RBFOX1: variants seen among roughly 807,000 people sequenced by gnomAD.
RBFOX1 encodes the protein RNA binding fox-1 homolog 1, also known as RNA binding protein fox-1 homolog 1.
A neutral mutation model predicts 57.7 loss-of-function variants in RBFOX1; 8 were observed. That is an observed-to-expected ratio of 0.14 (90% CI 0.08 to 0.25). The LOEUF is 0.25. Among genes scored for constraint, RBFOX1 ranks in the 10% least tolerant of loss-of-function variants. RBFOX1 has a pLI of 1.00. For missense variants in RBFOX1, 611 were observed against 548.5 expected (o/e 1.11, Z -1.14); for synonymous variants, 326 against 222.4 (o/e 1.47, Z -4.15).
At chr16:7,517,179 GTGTGTGTGTT>G (rs2076554247) in intron 4 of RBFOX1, among the ~76,000 whole-genome samples, 1 of 139,838 alleles carries the variant, frequency 7.2e-6, no homozygotes, top group Non-Finnish European at 1.5e-5. Context: ...GTGTGTGTGT[GTGTGTGTGTT>G]GTGGTAGAAC....
At chr16:6,859,922 A>G (rs1438996184) in intron 3 of RBFOX1, among the ~76,000 whole-genome samples, 1 of 152,186 alleles carries the variant, frequency 6.6e-6, no homozygotes, top group Non-Finnish European at 1.5e-5. Context: ...AGGGCTGATT[A>G]AGCAAATTAA....
chr16:7,425,305 C>G (rs752655851), intron 4 of RBFOX1, among the ~76,000 whole-genome samples: 1 of 152,092 alleles, frequency 6.6e-6, no homozygotes, highest in African/African-American at 2.4e-5. Flanking sequence ...TCTTATAAAC[C>G]CGCAAGGGGT....
intron 4 of RBFOX1, among the ~76,000 whole-genome samples, chr16:7,495,361 A>G (rs935318869): frequency 1.3e-5 from 2 of 152,236 alleles, no homozygotes; most frequent in Admixed American, 1.3e-4. Context: ...ATTGAAGAGT[A>G]GCTCTGTTTT....
intron 1 of RBFOX1, among the ~76,000 whole-genome samples, chr16:5,268,318 C>T (rs12598231): frequency 1 from 152,291 of 152,360 alleles, 76,111 homozygotes; most frequent in Non-Finnish European, 1. Context: ...TTCTTAGCAT[C>T]TTTCGTTTGA....
chr16:7,687,335 G>A (rs967567518), intron 14 of RBFOX1, among the ~76,000 whole-genome samples: 1 of 152,012 alleles, frequency 6.6e-6, no homozygotes, highest in East Asian at 1.9e-4. Flanking sequence ...CTTTGAAGGT[G>A]ATAAAACTGA....
At chr16:5,545,660 A>T (rs962805511) in intron 2 of RBFOX1, among the ~76,000 whole-genome samples, 4 of 149,822 alleles carry the variant, frequency 2.7e-5, no homozygotes, top group Admixed American at 6.6e-5. Flanking sequence ...ATTCTCAATT[A>T]AAAAAAAACC....
intron 3 of RBFOX1, among the ~76,000 whole-genome samples, chr16:6,951,405 A>G (rs9932084): frequency 0.62 from 94,575 of 151,966 alleles, 29,617 homozygotes; most frequent in Middle Eastern, 0.66. Context: ...ACAATAACGT[A>G]CATTTATTTT....
chr16:5,697,837 A>C (rs1425106358), intron 3 of RBFOX1, among the ~76,000 whole-genome samples: 1 of 152,168 alleles, frequency 6.6e-6, no homozygotes, highest in African/African-American at 2.4e-5. Context: ...GTGGGAGTCC[A>C]TCTATAGTTT....
chr16:7,440,641 G>T lies in RBFOX1; in HGVS notation c.28-77506G>T, dbSNP rs1301562856. Reference sequence around the variant, plus strand: ...GAATTTATTAATTCATTTATTTTTAGCCTCACAGGTTTTGCTCCAAGACTC... The same window carrying T: ...GAATTTATTAATTCATTTATTTTTATCCTCACAGGTTTTGCTCCAAGACTC... On this transcript the variant is annotated intron_variant, in intron 4 of 15. Transcript: ENST00000550418. 2.6e-5 allele frequency among the ~76,000 whole-genome samples: 4 copies of T among 152,068 alleles called. No homozygotes were observed. In the South Asian group the frequency reaches 8.3e-4, roughly 31 times the overall value.
At chr16:7,326,162 C>T (rs1439110334) in intron 4 of RBFOX1, among the ~76,000 whole-genome samples, 3 of 152,144 alleles carry the variant, frequency 2.0e-5, no homozygotes, top group African/African-American at 7.2e-5. Context: ...CTACTCTGTG[C>T]CCAGTCCTGG....
intron 3 of RBFOX1, among the ~76,000 whole-genome samples, chr16:5,617,738 C>T (rs904629709): frequency 2.6e-5 from 4 of 152,184 alleles, no homozygotes; most frequent in African/African-American, 4.8e-5. Context: ...TATTCCTAAG[C>T]TAATGCTGTG....
At chr16:5,874,501 AT>A (rs896949214) in intron 4 of RBFOX1, among the ~76,000 whole-genome samples, 3 of 151,716 alleles carry the variant, frequency 2.0e-5, no homozygotes, top group East Asian at 1.9e-4. Context: ...GAGCAGAGAT[AT>A]TTTTTTTTCT....
intron 4 of RBFOX1, among the ~76,000 whole-genome samples, chr16:7,413,957 A>G (rs1445934938): frequency 1.3e-5 from 2 of 151,906 alleles, no homozygotes; most frequent in East Asian, 1.9e-4. Flanking sequence ...TACTTTCCAA[A>G]CTCCAAGGAG....
At chr16:6,787,298 G>C (rs1323999247) in intron 3 of RBFOX1, among the ~76,000 whole-genome samples, 2 of 152,152 alleles carry the variant, frequency 1.3e-5, no homozygotes, top group East Asian at 1.9e-4. Flanking sequence ...GCAAAAGCCA[G>C]GTTGGTCCTG....
At chr16:5,559,812 C>T (rs1434092505) in intron 2 of RBFOX1, among the ~76,000 whole-genome samples, 5 of 152,176 alleles carry the variant, frequency 3.3e-5, no homozygotes, top group Non-Finnish European at 7.3e-5. Flanking sequence ...TTACTGCTTC[C>T]AGGATGTGCA....
intron 4 of RBFOX1, among the ~76,000 whole-genome samples, chr16:5,907,021 G>A (rs751714574): frequency 1.3e-5 from 2 of 152,112 alleles, no homozygotes. Flanking sequence ...ACAGGCATGA[G>A]CCACTGTGCC....
At chr16:5,759,285 G>C (rs929968166) in intron 3 of RBFOX1, among the ~76,000 whole-genome samples, 2 of 152,174 alleles carry the variant, frequency 1.3e-5, no homozygotes, top group Non-Finnish European at 2.9e-5. Flanking sequence ...CCATCTCTGG[G>C]TACACATGCT....
At chr16:6,826,664 T>C (rs377085793) in intron 3 of RBFOX1, among the ~76,000 whole-genome samples, 7 of 152,216 alleles carry the variant, frequency 4.6e-5, no homozygotes, top group African/African-American at 1.7e-4. Flanking sequence ...CTTTGTTTGC[T>C]ACCAGCCTAA....
At chr16:7,678,511 C>T (rs1284870127) in intron 14 of RBFOX1, among the ~76,000 whole-genome samples, 4 of 152,028 alleles carry the variant, frequency 2.6e-5, no homozygotes, top group Non-Finnish European at 4.4e-5. Flanking sequence ...CAAACACCCA[C>T]TTTGTATATA....
Sources: allele counts gnomAD v4.1 joint callset (sites outside exome capture counted in the v4.1 genomes callset), GRCh38; gene constraint gnomAD v4.1.1; transcripts MANE v1.5; gene names NCBI Gene and HGNC (gene_info 2026-07-23, HGNC 2026-07-21).